GSPT1: variants seen among roughly 807,000 people sequenced by gnomAD.
GSPT1 encodes the protein eukaryotic peptide chain release factor GTP-binding subunit ERF3A.
A neutral mutation model predicts 72.5 loss-of-function variants in GSPT1; 20 were observed. The ratio of observed to expected loss-of-function variants is 0.28; its 90% CI spans 0.19 to 0.40. GSPT1 has a LOEUF of 0.40. Among genes scored for constraint, GSPT1 ranks in the 10% least tolerant of loss-of-function variants. The pLI is 1.00. For missense variants in GSPT1, 580 were observed against 811.9 expected, an observed-to-expected ratio of 0.71 and a Z score of 3.47; for synonymous variants, 334 against 293.5, an observed-to-expected ratio of 1.14 and a Z score of -1.41.
chr16:11,871,285 G>A lies in GSPT1; in HGVS notation c.*1834C>T, dbSNP rs1190704711. 6.6e-6 allele frequency: 1 copy of A among 152,184 alleles called. No individual in the cohort carries two copies. The highest frequency in any genetic ancestry group is 1.5e-5 in the Non-Finnish European group (1 of 68,042). 9.4% of individuals were successfully genotyped at this position (152,184 alleles called of 1,614,324 possible). A position where few individuals can be genotyped will look rare whatever the true frequency, so the allele number is the denominator to read the frequency against. On this transcript the variant is annotated 3_prime_UTR_variant, in exon 15 of 15. Coordinates refer to ENST00000434724, the MANE Select transcript of GSPT1 (RefSeq NM_002094.4). The stretch of plus-strand genomic sequence containing the variant: ...GAATTTCACAGTTAAGAAAACACTA[G>A]GCCAAGTGCGGCGCCTCATGCCTGT...
chr16:11,895,174 T>C (rs1256569964), intron 4 of GSPT1, 187 bp from the exon 5 acceptor site: 3 of 490,514 alleles, frequency 6.1e-6, no homozygotes, highest in East Asian at 7.0e-5. Context: ...CTCACGCCTG[T>C]AATTCCAGCA....
chr16:11,876,304 T>C (rs945486561), intron 12 of GSPT1, 129 bp from the exon 13 acceptor site: 1 of 698,240 alleles, frequency 1.4e-6, no homozygotes, highest in African/African-American at 1.8e-5. Context: ...AAGTGATTTT[T>C]GTGTTAGAGG....
rs918795031 is a variant in GSPT1 at position 11,871,771 on chromosome 16, G to C, written c.*1348C>G. Reference sequence around the variant, plus strand: ...AACACTCAACATCAAGGGGGCTTTGGATAAACCCACAAATTGCCTCCATTC... The same window carrying C: ...AACACTCAACATCAAGGGGGCTTTGCATAAACCCACAAATTGCCTCCATTC... On this transcript the variant is annotated 3_prime_UTR_variant, in exon 15 of 15. Transcript: ENST00000434724. 2 of 152,080 alleles carry C rather than the reference G, an allele frequency of 1.3e-5. No individual in the cohort carries two copies. Among genetic ancestry groups the C allele is most frequent in the Non-Finnish European group, 2.9e-5 (2 of 68,012 alleles). 9.4% of individuals were successfully genotyped at this position (152,080 alleles called of 1,614,324 possible). A position where few individuals can be genotyped will look rare whatever the true frequency, so the allele number is the denominator to read the frequency against.
intron 5 of GSPT1, among the ~76,000 whole-genome samples, chr16:11,892,525 A>AAAAC (rs1555504714): frequency 1.4e-5 from 2 of 141,858 alleles, no homozygotes; most frequent in African/African-American, 5.6e-5. Flanking sequence ...AAAAAAAACA[A>AAAAC]AAAAAACAAA....
upstream of GSPT1, among the ~76,000 whole-genome samples, chr16:11,916,362 C>G (rs1279188030): frequency 4.6e-5 from 7 of 152,234 alleles, no homozygotes; most frequent in Admixed American, 4.6e-4. Flanking sequence ...GGGGTCCACT[C>G]TGGCCTGCTG....
intron 14 of GSPT1, among the ~76,000 whole-genome samples, chr16:11,875,199 AAGGAAAGGGAAG>A (rs1159363308): frequency 2.6e-5 from 4 of 151,908 alleles, no homozygotes; most frequent in Non-Finnish European, 4.4e-5. Context: ...AAAAAAAGGA[AAGGAAAGGGAAG>A]AGGAAAGGGA....
At chr16:11,886,133 C>T (rs1014590497) in intron 9 of GSPT1, among the ~76,000 whole-genome samples, 1 of 151,306 alleles carries the variant, frequency 6.6e-6, no homozygotes, top group Non-Finnish European at 1.5e-5. Flanking sequence ...AAAATAAAAC[C>T]TTTTGTGCTT....
Position 11,896,596 on chromosome 16 carries a change from T to C in GSPT1, c.626A>G (p.Lys209Arg). 1 of 1,607,270 alleles carries C rather than the reference T, an allele frequency of 6.2e-7. No homozygotes were observed. The highest frequency in any genetic ancestry group is 8.5e-7 in the Non-Finnish European group (1 of 1,176,506). Residue 209 changes from lysine (K) to arginine (R), a missense_variant, in exon 4 of 15, where the codon AAG becomes AGG. Coordinates refer to ENST00000434724, the MANE Select transcript of GSPT1 (RefSeq NM_002094.4). ...KSVVAPPGAP[K>R]KEHVNVVFIG... ...GAATACTACATTTACATGCTCTTTC[T>C]TAGGAGCACCTGGCGGTGCAACCAC...
In GSPT1 at chr16:11,893,033, C is replaced by A. The variant is rs143125946; in HGVS notation, c.699-1894G>T. ...GGAACTTCCCGTACTGTTTTTGCAA[C>A]CATTCCGTAAATCTAAAATTATTTC... On this transcript the variant is annotated intron_variant, in intron 5 of 14. Coordinates refer to ENST00000434724, the MANE Select transcript of GSPT1 (RefSeq NM_002094.4). Among the ~76,000 whole-genome samples the A allele has an allele frequency of 7.9e-5, 12 of 151,924 alleles. No homozygotes were observed. The South Asian group carries it at 8.3e-4, about 11-fold the overall frequency.
Position 11,876,092 on chromosome 16 carries a change from T to G in GSPT1, c.1686A>C (p.Glu562Asp). ...LHIHTCIEEVEITALICLVDK... is the reference protein window; with the variant it reads ...LHIHTCIEEVDITALICLVDK... ...CCAATTATCTTAAACTCACTGTTAT[T>G]TCCACCTCCTCAATACAGGTATGAA... The change falls in exon 13 of 15, where the codon GAA (glutamate) becomes GAC (aspartate). Residue 562 changes from glutamate (E) to aspartate (D), a missense_variant. Glu to Asp is a conservative substitution (Grantham distance 45). This residue lies in a region of GSPT1 where 120 missense variants were observed against 242.5 expected (regional missense o/e 0.49). Transcript: ENST00000434724. The G allele has an allele frequency of 6.3e-7, 1 of 1,591,278 alleles. No individual in the cohort carries two copies. The highest frequency in any genetic ancestry group is 1.1e-5 in the South Asian group (1 of 90,466).
Position 11,915,009 on chromosome 16 carries a change from T to A in GSPT1, c.352+360A>T, listed in dbSNP as rs979200289. 13 of 1,289,554 alleles carry A rather than the reference T, an allele frequency of 1.0e-5. No individual in the cohort carries two copies. The African/African-American group carries it at 1.8e-4, about 18-fold the overall frequency. The allele number at this position is 1,289,554 out of a possible 1,614,324, so 79.9% of individuals were successfully genotyped here. ...CCCACCCAAATGACTCCTGGCTCCATCTGTCCTCATTCTGCGCCTCGTGGC... is the reference window on the plus strand; with the variant it reads ...CCCACCCAAATGACTCCTGGCTCCAACTGTCCTCATTCTGCGCCTCGTGGC... On this transcript the variant is annotated intron_variant, in intron 1 of 14. Coordinates refer to ENST00000434724, the MANE Select transcript of GSPT1 (RefSeq NM_002094.4).
Position 11,892,986 on chromosome 16 carries a change from C to T in GSPT1, c.699-1847G>A, listed in dbSNP as rs193116347. 7.1e-3 allele frequency among the ~76,000 whole-genome samples: 1,076 copies of T among 152,088 alleles called. 6 individuals are homozygous for T. The highest frequency in any genetic ancestry group is 0.02 in the Middle Eastern group (6 of 294). On this transcript the variant is annotated intron_variant, in intron 5 of 14. Transcript: ENST00000434724. ...AATGACTATGGTTATAAGATGTCAA[C>T]ATCAGGGCAGGATGAATGAAGGGAA...
Position 11,915,786 on chromosome 16 carries a change from G to A in GSPT1, c.-66C>T, listed in dbSNP as rs1372434719. ...ATGGAGGCAGGGGCGCCCGGCCGGAGAGGAGTGGGCAACGCTGACTGAGGG... is the reference window on the plus strand; with the variant it reads ...ATGGAGGCAGGGGCGCCCGGCCGGAAAGGAGTGGGCAACGCTGACTGAGGG... On this transcript the variant is annotated 5_prime_UTR_variant, in exon 1 of 15. Coordinates refer to ENST00000434724, the MANE Select transcript of GSPT1 (RefSeq NM_002094.4). The A allele has an allele frequency of 2.5e-6, 4 of 1,579,372 alleles. No individual in the cohort carries two copies. Among genetic ancestry groups the A allele is most frequent in the Non-Finnish European group, 3.4e-6 (4 of 1,168,608 alleles).
In GSPT1 at chr16:11,883,130, T is replaced by C. The variant is rs749988463; in HGVS notation, c.1348-35A>G. 6.7e-6 allele frequency: 9 copies of C among 1,336,198 alleles called. No individual in the cohort carries two copies. In the East Asian group the frequency reaches 1.8e-4, roughly 27 times the overall value. 82.8% of individuals were successfully genotyped at this position (1,336,198 alleles called of 1,614,324 possible). A position where few individuals can be genotyped will look rare whatever the true frequency, so the allele number is the denominator to read the frequency against. On this transcript the variant is annotated intron_variant, in intron 10 of 14. Transcript: ENST00000434724. The stretch of plus-strand genomic sequence containing the variant: ...TGTAAAATAAAATCCAGTTTCAGAC[T>C]TCTTGGTGCTGTATAACAGCTCAAT...
chr16:11,906,433 C>A (rs1408109224), intron 1 of GSPT1, among the ~76,000 whole-genome samples: 3 of 152,102 alleles, frequency 2.0e-5, no homozygotes, highest in African/African-American at 7.2e-5. Context: ...GAGTTCAAGA[C>A]CAGCCAGGGC....
At chr16:11,879,123 A>T (rs1336093892) in intron 11 of GSPT1, among the ~76,000 whole-genome samples, 2 of 150,590 alleles carry the variant, frequency 1.3e-5, no homozygotes, top group Non-Finnish European at 3.0e-5. Context: ...AAGGCCGGGC[A>T]CAGTGGCTCA....
rs2053994932 is a variant in GSPT1 at position 11,872,943 on chromosome 16, T to C, written c.*176A>G. 2 of 529,550 alleles carry C rather than the reference T, an allele frequency of 3.8e-6. No homozygotes were observed. Among genetic ancestry groups the C allele is most frequent in the South Asian group, 3.3e-5 (1 of 30,604 alleles). 32.8% of individuals were successfully genotyped at this position (529,550 alleles called of 1,614,324 possible). On this transcript the variant is annotated 3_prime_UTR_variant, in exon 15 of 15. Coordinates refer to ENST00000434724, the MANE Select transcript of GSPT1 (RefSeq NM_002094.4). ...TCTTGGGAAAAATTCAACAGTGGCA[T>C]AGCAGAGCTCTCAATATGAGAAAGC...
At chr16:11,893,912 G>A (rs1567444061) in intron 5 of GSPT1, among the ~76,000 whole-genome samples, 2 of 151,908 alleles carry the variant, frequency 1.3e-5, no homozygotes, top group Admixed American at 6.6e-5. Context: ...AGCACTTTGG[G>A]AGGCAGTAGA....
chr16:11,913,176 T>G (rs151042009), intron 1 of GSPT1, among the ~76,000 whole-genome samples: 45 of 152,358 alleles, frequency 3.0e-4, no homozygotes, highest in Middle Eastern at 3.4e-3. Flanking sequence ...TGTTCTCCGA[T>G]GCTGGCTTTT....
Sources: allele counts gnomAD v4.1 joint callset (sites outside exome capture counted in the v4.1 genomes callset), GRCh38; gene constraint gnomAD v4.1.1; regional missense constraint gnomAD v4.1.1; transcripts MANE v1.5; gene names NCBI Gene and HGNC (gene_info 2026-07-23, HGNC 2026-07-21).